Variants in GABRG3 observed in about 807,000 individuals in gnomAD.
The protein encoded by GABRG3 is gamma-aminobutyric acid receptor subunit gamma-3.
GABRG3 carries 25 observed loss-of-function variants against 48.8 expected under a neutral mutation model. That is an observed-to-expected ratio of 0.51 (90% confidence interval 0.37 to 0.72). GABRG3 has a LOEUF of 0.72. Among genes scored for constraint, GABRG3 ranks in the 30% least tolerant of loss-of-function variants. The pLI is 0.00. For missense variants in GABRG3, 394 were observed against 577.9 expected, an observed-to-expected ratio of 0.68 and a Z score of 3.26; for synonymous variants, 227 against 217.6, an observed-to-expected ratio of 1.04 and a Z score of -0.38.
Position 27,457,115 on chromosome 15 carries a change from G to A in GABRG3, c.575-23535G>A, listed in dbSNP as rs1439570880. ...TCTCCAGCAGCTTGACACCAACACGGTGGGTGTGAGTGGAGGGTGGGGAGT... is the reference window on the plus strand; with the variant it reads ...TCTCCAGCAGCTTGACACCAACACGATGGGTGTGAGTGGAGGGTGGGGAGT... On this transcript the variant is annotated intron_variant, in intron 5 of 9. Coordinates refer to ENST00000615808, the MANE Select transcript of GABRG3 (RefSeq NM_033223.5). This position sits in a 1 kb window ranked among gnomAD's most constrained non-coding sequence, Gnocchi z 4.4. Among the ~76,000 whole-genome samples the A allele has an allele frequency of 6.6e-6, 1 of 152,202 alleles. No individual in the cohort carries two copies. Among genetic ancestry groups the A allele is most frequent in the African/African-American group, 2.4e-5 (1 of 41,460 alleles).
chr15:27,516,155 T>C (rs1891014489), intron 6 of GABRG3, among the ~76,000 whole-genome samples: 2 of 151,258 alleles, frequency 1.3e-5, no homozygotes, highest in South Asian at 4.2e-4. Flanking sequence ...TCAATAATAA[T>C]TTATTATCTA....
At position 27,475,954 on chromosome 15, in the gene GABRG3, C is replaced by T. The variant is rs116405012; in HGVS notation, c.575-4696C>T. On this transcript the variant is annotated intron_variant, in intron 5 of 9. Coordinates refer to ENST00000615808, the MANE Select transcript of GABRG3 (RefSeq NM_033223.5). Reference sequence around the variant, plus strand: ...TGACAAAGGTAGGAAGAAGTAGGGGCGAGGAATTCGAGGAAATATTGTGGC... The same window carrying T: ...TGACAAAGGTAGGAAGAAGTAGGGGTGAGGAATTCGAGGAAATATTGTGGC... Among the ~76,000 whole-genome samples, 831 of 151,934 alleles carry T rather than the reference C, an allele frequency of 5.5e-3. 6 individuals are homozygous for T. The highest frequency in any genetic ancestry group is 0.019 in the African/African-American group (777 of 41,430).
intron 5 of GABRG3, among the ~76,000 whole-genome samples, chr15:27,331,920 A>G (rs1893815112): frequency 6.6e-6 from 1 of 152,158 alleles, no homozygotes. Context: ...GCAATCATAA[A>G]CCAAAATGTT....
intron 2 of GABRG3, among the ~76,000 whole-genome samples, chr15:27,015,781 A>T (rs1168881105): frequency 1.3e-5 from 2 of 152,138 alleles, no homozygotes; most frequent in Non-Finnish European, 2.9e-5. Flanking sequence ...CCATTACATG[A>T]AATATAACAA....
intron 6 of GABRG3, among the ~76,000 whole-genome samples, chr15:27,493,257 G>A (rs563237299): frequency 2.6e-5 from 4 of 151,958 alleles, no homozygotes; most frequent in South Asian, 2.1e-4. Flanking sequence ...CAATAGACTC[G>A]ATTTCATATT....
chr15:27,355,695 A>T (rs950527775), intron 5 of GABRG3, among the ~76,000 whole-genome samples: 4 of 152,256 alleles, frequency 2.6e-5, no homozygotes, highest in African/African-American at 9.6e-5. Flanking sequence ...CATTATTCAT[A>T]ATATACAAAA....
At chr15:27,260,341 T>C (rs1890734148) in intron 3 of GABRG3, among the ~76,000 whole-genome samples, 1 of 152,202 alleles carries the variant, frequency 6.6e-6, no homozygotes. Context: ...CCACTCTTAC[T>C]ACCTCATTTA....
intron 5 of GABRG3, among the ~76,000 whole-genome samples, chr15:27,480,193 G>A (rs1169639935): frequency 6.6e-6 from 1 of 152,220 alleles, no homozygotes; most frequent in East Asian, 1.9e-4. Flanking sequence ...TCAAATCCTG[G>A]AGTGATTACC....
intron 3 of GABRG3, among the ~76,000 whole-genome samples, chr15:27,310,848 G>A (rs1353329859): frequency 2.0e-5 from 3 of 152,134 alleles, no homozygotes; most frequent in South Asian, 2.1e-4. Context: ...TTGGTGACAA[G>A]CATGGCAGGT....
At chr15:27,206,563 G>A (rs527598425) in intron 3 of GABRG3, among the ~76,000 whole-genome samples, 1 of 152,210 alleles carries the variant, frequency 6.6e-6, no homozygotes, top group Admixed American at 6.5e-5. Context: ...TGTCTTTTAG[G>A]TCCATTTGAT....
intron 3 of GABRG3, among the ~76,000 whole-genome samples, chr15:27,061,736 A>G (rs1896650298): frequency 6.6e-6 from 1 of 152,118 alleles, no homozygotes; most frequent in African/African-American, 2.4e-5. Context: ...CTGCAGTGCC[A>G]GCTTTGACCC....
At chr15:27,423,722 T>G (rs34876695) in intron 5 of GABRG3, among the ~76,000 whole-genome samples, 2 of 71,748 alleles carry the variant, frequency 2.8e-5, no homozygotes, top group Non-Finnish European at 5.0e-5. Flanking sequence ...TTTCTTTTCC[T>G]TTTTTTTTTT....
At chr15:27,289,011 A>G (rs1017652950) in intron 3 of GABRG3, among the ~76,000 whole-genome samples, 1 of 152,140 alleles carries the variant, frequency 6.6e-6, no homozygotes, top group Non-Finnish European at 1.5e-5. Flanking sequence ...CTTCTTCCAT[A>G]ACTTTGAGGT....
At chr15:27,383,977 T>TGTTGTTTTATTGA in intron 5 of GABRG3, among the ~76,000 whole-genome samples, 1 of 152,230 alleles carries the variant, frequency 6.6e-6, no homozygotes, top group East Asian at 1.9e-4. Flanking sequence ...TGACTGTTCT[T>TGTTGTTTTATTGA]CCGGATTTCT....
intron 3 of GABRG3, among the ~76,000 whole-genome samples, chr15:27,318,378 A>G (rs1182989778): frequency 2.6e-5 from 4 of 152,100 alleles, no homozygotes; most frequent in Non-Finnish European, 1.5e-5. Flanking sequence ...CATTAATACT[A>G]AGGGTCCCCT....
intron 3 of GABRG3, among the ~76,000 whole-genome samples, chr15:27,042,793 C>T (rs1474643068): frequency 6.6e-6 from 1 of 152,244 alleles, no homozygotes; most frequent in Non-Finnish European, 1.5e-5. Flanking sequence ...TCGGGTCTGA[C>T]AGCCTGAGTC....
At chr15:27,487,440 C>CA (rs1890247595) in intron 6 of GABRG3, among the ~76,000 whole-genome samples, 1 of 152,128 alleles carries the variant, frequency 6.6e-6, no homozygotes, top group South Asian at 2.1e-4. Context: ...GATGAGGAAC[C>CA]AGTCTCAGCA....
At chr15:27,040,384 A>C (rs536627539) in intron 3 of GABRG3, among the ~76,000 whole-genome samples, 3 of 152,148 alleles carry the variant, frequency 2.0e-5, no homozygotes, top group African/African-American at 7.2e-5. Context: ...CTCCCAAGTC[A>C]CTGGGTGTGT....
intron 2 of GABRG3, among the ~76,000 whole-genome samples, chr15:27,013,430 C>G (rs1895724369): frequency 3.3e-5 from 5 of 152,008 alleles, no homozygotes; most frequent in Admixed American, 2.0e-4. Context: ...ACTGTCATAT[C>G]CAAGAAATTA....
Sources: allele counts gnomAD v4.1 joint callset (sites outside exome capture counted in the v4.1 genomes callset), GRCh38; gene constraint gnomAD v4.1.1; non-coding constraint Gnocchi (gnomAD v3.1); transcripts MANE v1.5; gene names NCBI Gene and HGNC (gene_info 2026-07-23, HGNC 2026-07-21).